OXR1: variants seen among roughly 807,000 people sequenced by gnomAD.
The protein encoded by OXR1 is oxidation resistance 1, also known as oxidation resistance protein 1.
In OXR1, 41 loss-of-function variants were observed where a neutral mutation model predicts 104.6. The observed-to-expected ratio is 0.39, with a 90% CI of 0.31 to 0.51. The LOEUF (loss-of-function observed/expected upper bound fraction) is 0.51. Among genes scored for constraint, OXR1 ranks in the 20% least tolerant of loss-of-function variants. OXR1 has a pLI of 0.77. For missense variants in OXR1, 955 were observed against 1,031.9 expected (o/e 0.93, Z 1.02); for synonymous variants, 348 against 348.4 (o/e 1.00, Z 0.01).
intron 3 of OXR1, among the ~76,000 whole-genome samples, chr8:106,660,164 T>C (rs998737558): frequency 6.6e-6 from 1 of 152,246 alleles, no homozygotes; most frequent in Admixed American, 6.5e-5. Context: ...TGGAGCAGAA[T>C]TAGTGAAAAC....
At chr8:106,608,378 T>C (rs1433510379) in intron 3 of OXR1, among the ~76,000 whole-genome samples, 3 of 152,150 alleles carry the variant, frequency 2.0e-5, no homozygotes, top group Non-Finnish European at 4.4e-5. Context: ...ATGTACTTTA[T>C]GGGCAAATCT....
intron 3 of OXR1, among the ~76,000 whole-genome samples, chr8:106,540,720 C>T (rs1456578771): frequency 6.6e-6 from 1 of 152,162 alleles, no homozygotes; most frequent in East Asian, 1.9e-4. Flanking sequence ...GGAAGCCTCA[C>T]AATCATGGTG....
chr8:106,411,068 G>A (rs768589062), intron 2 of OXR1, among the ~76,000 whole-genome samples: 5 of 143,042 alleles, frequency 3.5e-5, no homozygotes, highest in Non-Finnish European at 7.5e-5. Context: ...ACATAAACAA[G>A]TGTCTAATTA....
chr8:106,457,814 G>A (rs1419934844), intron 2 of OXR1, among the ~76,000 whole-genome samples: 3 of 152,172 alleles, frequency 2.0e-5, no homozygotes, highest in Admixed American at 2.0e-4. Flanking sequence ...TGGCAAAGAA[G>A]TTGGCTGAAT....
chr8:106,428,941 C>A (rs186414809), intron 2 of OXR1, among the ~76,000 whole-genome samples: 1 of 152,262 alleles, frequency 6.6e-6, no homozygotes, highest in East Asian at 1.9e-4. Flanking sequence ...TGGGAACCCC[C>A]ACACCAATGC....
intron 2 of OXR1, among the ~76,000 whole-genome samples, chr8:106,367,132 G>A (rs1211649643): frequency 5.3e-5 from 8 of 150,152 alleles, no homozygotes; most frequent in African/African-American, 1.2e-4. Context: ...GTGCGATCTC[G>A]GCTCACTGCA....
chr8:106,298,300 C>T (rs576884524), intron 1 of OXR1, among the ~76,000 whole-genome samples: 147 of 152,216 alleles, frequency 9.7e-4, no homozygotes, highest in African/African-American at 3.4e-3. Flanking sequence ...TGGCAGAAGG[C>T]AAAGGATGAG....
chr8:106,341,256 G>A (rs1463641052), intron 1 of OXR1, among the ~76,000 whole-genome samples: 15 of 151,856 alleles, frequency 9.9e-5, no homozygotes, highest in Admixed American at 8.5e-4. Flanking sequence ...TAAATGCTAC[G>A]TATAAATATG....
intron 3 of OXR1, among the ~76,000 whole-genome samples, chr8:106,605,435 C>T (rs527531529): frequency 6.6e-6 from 1 of 151,990 alleles, no homozygotes; most frequent in South Asian, 2.1e-4. Context: ...CAACCACATT[C>T]TGTAGGGGAA....
At chr8:106,398,798 C>T (rs1586604074) in intron 2 of OXR1, among the ~76,000 whole-genome samples, 1 of 152,146 alleles carries the variant, frequency 6.6e-6, no homozygotes, top group Non-Finnish European at 1.5e-5. Context: ...TCATCAGGGC[C>T]TACGCTTGAA....
At chr8:106,470,512 A>C (rs1458408478) in intron 2 of OXR1, among the ~76,000 whole-genome samples, 1 of 151,776 alleles carries the variant, frequency 6.6e-6, no homozygotes, top group Non-Finnish European at 1.5e-5. Flanking sequence ...AGGGAAATAA[A>C]AGTTTAGTTT....
chr8:106,387,578 T>A (rs1817426864), intron 2 of OXR1, among the ~76,000 whole-genome samples: 1 of 152,172 alleles, frequency 6.6e-6, no homozygotes, highest in Non-Finnish European at 1.5e-5. Flanking sequence ...ATTGGAATAC[T>A]TACCTTTTAA....
chr8:106,433,617 G>A (rs1433607894), intron 2 of OXR1, among the ~76,000 whole-genome samples: 1 of 152,136 alleles, frequency 6.6e-6, no homozygotes, highest in African/African-American at 2.4e-5. Context: ...ACAGCTTAAG[G>A]GTTAGAAGCA....
At position 106,315,853 on chromosome 8, in the gene OXR1, G is replaced by A. The variant is rs546086922; in HGVS notation, c.-138-43623G>A. 5.3e-5 allele frequency among the ~76,000 whole-genome samples: 8 copies of A among 152,290 alleles called. No individual in the cohort carries two copies. The South Asian group carries it at 1.7e-3, about 32-fold the overall frequency. ...ATTCCACAGGAGTAAATCCGGATGA[G>A]CCAAATTGGAAACAAGAGGCATGTG... On this transcript the variant is annotated intron_variant, in intron 1 of 16. Coordinates refer to ENST00000517566, the MANE Select transcript of OXR1 (RefSeq NM_001198533.2).
At chr8:106,698,056 G>A (rs1379458482) in intron 7 of OXR1, 1 of 1,398,992 alleles carries the variant, frequency 7.1e-7, no homozygotes, top group Middle Eastern at 1.8e-4. Flanking sequence ...CAAACGGGCT[G>A]GAGAGCGGCA....
intron 11 of OXR1, among the ~76,000 whole-genome samples, chr8:106,735,160 A>G (rs61304223): frequency 7.2e-4 from 109 of 152,082 alleles, no homozygotes; most frequent in African/African-American, 2.5e-3. Flanking sequence ...TGAGAGAAGG[A>G]AGTATATTTC....
chr8:106,492,294 C>G (rs1811142892), intron 2 of OXR1, among the ~76,000 whole-genome samples: 1 of 152,146 alleles, frequency 6.6e-6, no homozygotes. Context: ...TCCCTGTCTC[C>G]AAAACATTTT....
chr8:106,650,233 G>A (rs139707386), intron 3 of OXR1, among the ~76,000 whole-genome samples: 154 of 152,184 alleles, frequency 1.0e-3, no homozygotes, highest in African/African-American at 3.5e-3. Context: ...AAATCTTCCC[G>A]ACATCTCTAT....
At chr8:106,284,076 T>G (rs964516376) in intron 1 of OXR1, among the ~76,000 whole-genome samples, 2 of 151,782 alleles carry the variant, frequency 1.3e-5, no homozygotes, top group Non-Finnish European at 2.9e-5. Flanking sequence ...CAGCCGAACA[T>G]GGGATACAAT....
Sources: allele counts gnomAD v4.1 joint callset (sites outside exome capture counted in the v4.1 genomes callset), GRCh38; gene constraint gnomAD v4.1.1; transcripts MANE v1.5; gene names NCBI Gene and HGNC (gene_info 2026-07-23, HGNC 2026-07-21).